The following NCKAP5 variants were observed in gnomAD, a reference collection of about 807,000 sequenced individuals.
NCKAP5 encodes the protein nck-associated protein 5.
NCKAP5 carries 92 observed loss-of-function variants against 167.0 expected under a neutral mutation model. That is an observed-to-expected ratio of 0.55 (90% CI 0.47 to 0.66). The LOEUF is 0.66. Ranked by LOEUF, NCKAP5 falls within the 30% of genes least tolerant of loss-of-function variation. The pLI is 0.00. For synonymous variants in NCKAP5, 891 were observed against 877.4 expected (o/e 1.02, Z -0.27); for missense variants, 2,378 against 2,315.0 (o/e 1.03, Z -0.56).
At chr2:132,912,441 T>C (rs181439136) in intron 8 of NCKAP5, among the ~76,000 whole-genome samples, 1 of 152,342 alleles carries the variant, frequency 6.6e-6, no homozygotes, top group Non-Finnish European at 1.5e-5. Context: ...CTGTGGACTA[T>C]GTTTCTTTTC....
chr2:132,931,690 C>A (rs1481804220), intron 8 of NCKAP5, among the ~76,000 whole-genome samples: 3 of 152,166 alleles, frequency 2.0e-5, no homozygotes, highest in African/African-American at 7.2e-5. Flanking sequence ...ATAAAACCTA[C>A]AACTGTATAT....
At chr2:133,150,205 T>C (rs1033935246) in intron 5 of NCKAP5, among the ~76,000 whole-genome samples, 1 of 152,180 alleles carries the variant, frequency 6.6e-6, no homozygotes, top group Non-Finnish European at 1.5e-5. Flanking sequence ...TGTACATCTT[T>C]CTGAACAGCA....
At chr2:132,760,557 C>T (rs965989394) in intron 16 of NCKAP5, among the ~76,000 whole-genome samples, 2 of 152,054 alleles carry the variant, frequency 1.3e-5, no homozygotes, top group Non-Finnish European at 2.9e-5. Context: ...CTTTGGAGGA[C>T]TCATTCTGTG....
chr2:133,647,376 A>AAGGAAGGAAGG, the NCKAP5 span, among the ~76,000 whole-genome samples: 138 of 82,524 alleles, frequency 1.7e-3, 3 homozygotes, highest in African/African-American at 4.6e-3. Flanking sequence ...AGGAAGAAAG[A>AAGGAAGGAAGG]AAGGAAGGAA....
chr2:133,502,072 G>A (rs1015584971), intron 3 of NCKAP5, among the ~76,000 whole-genome samples: 3 of 152,220 alleles, frequency 2.0e-5, no homozygotes, highest in African/African-American at 7.2e-5. Context: ...AATTTCCCGT[G>A]ACTGCTACTT....
intron 3 of NCKAP5, among the ~76,000 whole-genome samples, chr2:133,456,301 C>T (rs1224248362): frequency 6.6e-6 from 1 of 152,184 alleles, no homozygotes; most frequent in Admixed American, 6.5e-5. Context: ...GTAGGAGGCA[C>T]TGATTGCCAT....
intron 11 of NCKAP5, among the ~76,000 whole-genome samples, chr2:132,840,241 A>T (rs989112124): frequency 6.6e-6 from 1 of 151,826 alleles, no homozygotes; most frequent in Admixed American, 6.6e-5. Context: ...TGGAGAGATG[A>T]AATGCTCACA....
chr2:132,759,203 AG>A (rs530416133), intron 16 of NCKAP5, among the ~76,000 whole-genome samples: 1 of 152,112 alleles, frequency 6.6e-6, no homozygotes, highest in Non-Finnish European at 1.5e-5. Flanking sequence ...ACTGCTGTAT[AG>A]TATTCCATAG....
intron 3 of NCKAP5, among the ~76,000 whole-genome samples, chr2:133,494,118 G>A (rs1184345026): frequency 1.3e-5 from 2 of 152,128 alleles, no homozygotes; most frequent in Non-Finnish European, 2.9e-5. Flanking sequence ...GCAGCATCTG[G>A]AATTGGGAGT....
intron 3 of NCKAP5, among the ~76,000 whole-genome samples, chr2:133,303,679 A>G (rs1294267581): frequency 2.0e-5 from 3 of 149,848 alleles, no homozygotes; most frequent in Admixed American, 6.6e-5. Context: ...TTGGCTTCTA[A>G]AAAGACCTGA....
intron 19 of NCKAP5, 121 bp downstream of exon 19, chr2:132,725,506 G>T: frequency 8.1e-7 from 1 of 1,232,056 alleles, no homozygotes; most frequent in Non-Finnish European, 1.1e-6. Context: ...TTAGATCTCA[G>T]GAGAGACATG....
At chr2:132,946,586 G>A (rs1279112084) in intron 8 of NCKAP5, among the ~76,000 whole-genome samples, 1 of 152,168 alleles carries the variant, frequency 6.6e-6, no homozygotes, top group African/African-American at 2.4e-5. Flanking sequence ...CTTCATGAAT[G>A]TTTTATCACC....
intron 3 of NCKAP5, among the ~76,000 whole-genome samples, chr2:133,351,757 C>G (rs1684380200): frequency 6.6e-6 from 1 of 152,116 alleles, no homozygotes; most frequent in Non-Finnish European, 1.5e-5. Context: ...AGACCACTCT[C>G]TCTCATGCCA....
the NCKAP5 span, among the ~76,000 whole-genome samples, chr2:133,580,500 C>A: frequency 6.6e-6 from 1 of 152,134 alleles, no homozygotes; most frequent in Non-Finnish European, 1.5e-5. Flanking sequence ...AAATGGACAG[C>A]TTTAATAATT....
intron 8 of NCKAP5, among the ~76,000 whole-genome samples, chr2:132,903,113 T>G (rs906221212): frequency 6.6e-6 from 1 of 152,178 alleles, no homozygotes. Flanking sequence ...GGATAATGCA[T>G]GGAGAGCACT....
At chr2:132,963,319 G>C (rs1260720888) in intron 8 of NCKAP5, among the ~76,000 whole-genome samples, 1 of 151,840 alleles carries the variant, frequency 6.6e-6, no homozygotes, top group Non-Finnish European at 1.5e-5. Context: ...TAAAATCTCT[G>C]TGTGTGTGTG....
rs1684112563 is a variant in NCKAP5, at chr2:133,517,586, C to T, written c.-60G>A. On this transcript the variant is annotated splice_region_variant and 5_prime_UTR_variant, in exon 3 of 20. Transcript: ENST00000409261. ...AGAATCCCCCGTCTGTTTCCAGGGT[C>T]ACTGAAAAGAGTGAACATGTGTTTT... The T allele has an allele frequency of 3.4e-6, 4 of 1,165,398 alleles. 1 individual carries two copies. The East Asian group carries it at 1.0e-4, about 31-fold the overall frequency. The allele number at this position is 1,165,398 out of a possible 1,614,324, so 72.2% of individuals were successfully genotyped here.
intron 3 of NCKAP5, among the ~76,000 whole-genome samples, chr2:133,374,099 G>A (rs1685980608): frequency 6.6e-6 from 1 of 152,182 alleles, no homozygotes; most frequent in South Asian, 2.1e-4. Flanking sequence ...CCAAAACTTG[G>A]AAGCAAACAA....
intron 2 of NCKAP5, among the ~76,000 whole-genome samples, chr2:133,555,786 GTA>G (rs1687700192): frequency 6.6e-6 from 1 of 152,116 alleles, no homozygotes; most frequent in African/African-American, 2.4e-5. Flanking sequence ...ACATATATGT[GTA>G]TATTTGTTTA....
Sources: allele counts gnomAD v4.1 joint callset (sites outside exome capture counted in the v4.1 genomes callset), GRCh38; gene constraint gnomAD v4.1.1; transcripts MANE v1.5; gene names NCBI Gene and HGNC (gene_info 2026-07-23, HGNC 2026-07-21).